TANGO2: variants seen among roughly 807,000 people sequenced by gnomAD.
TANGO2 encodes transport and Golgi organization protein 2 homolog.
TANGO2 carries 26 observed loss-of-function variants against 39.1 expected under a neutral mutation model. That is an observed-to-expected ratio of 0.67 (90% CI 0.49 to 0.92). The LOEUF (loss-of-function observed/expected upper bound fraction) is 0.92. Among genes scored for constraint, TANGO2 ranks in the 40% least tolerant of loss-of-function variants. TANGO2 has a pLI of 0.00. For missense variants in TANGO2, 326 were observed against 360.1 expected, an observed-to-expected ratio of 0.91 and a Z score of 0.77; for synonymous variants, 131 against 144.5, an observed-to-expected ratio of 0.91 and a Z score of 0.67.
intron 1 of TANGO2, among the ~76,000 whole-genome samples, chr22:20,028,052 G>A (rs2041127944): frequency 6.6e-6 from 1 of 152,172 alleles, no homozygotes; most frequent in African/African-American, 2.4e-5. Flanking sequence ...GCCCGCCTCA[G>A]CCTCCCAAAG....
intron 3 of TANGO2, among the ~76,000 whole-genome samples, chr22:20,044,644 G>A (rs1006621694): frequency 6.6e-6 from 1 of 152,130 alleles, no homozygotes; most frequent in Non-Finnish European, 1.5e-5. Context: ...GGGTGGTCCC[G>A]GCACCGTGTG....
At position 20,064,693 on chromosome 22, in the gene TANGO2, T is replaced by TG; in HGVS notation, c.*37dup. 1.9e-6 allele frequency: 3 copies of TG among 1,612,178 alleles called. No homozygotes were observed. The highest frequency in any genetic ancestry group is 1.7e-6 in the Non-Finnish European group (2 of 1,178,994). ...CCTCTGGGCCTGGCCAGTGGGCTCCTGGGGGGCCCTGCCTTGAGGGGCACT... is the reference window on the plus strand; with the variant it reads ...CCTCTGGGCCTGGCCAGTGGGCTCCTGGGGGGGCCCTGCCTTGAGGGGCACT... On this transcript the variant is annotated 3_prime_UTR_variant, in exon 9 of 9. Transcript: ENST00000327374.
At position 20,064,634 on chromosome 22, in the gene TANGO2, GA is replaced by G; in HGVS notation, c.805del (p.Thr269ProfsTer80). The G allele has an allele frequency of 2.5e-6, 4 of 1,614,182 alleles. No individual in the cohort carries two copies. Among genetic ancestry groups the G allele is most frequent in the Non-Finnish European group, 3.4e-6 (4 of 1,180,018 alleles). On this transcript the variant is annotated frameshift_variant, in exon 9 of 9. Coordinates refer to ENST00000327374, the MANE Select transcript of TANGO2 (RefSeq NM_152906.7). LOFTEE classifies it high-confidence loss of function. ...AAGGACCTCTCCCACTGGGAGACCA[GA>G]ACCTATGAGTTCACACTGCAGAGCT... is the stretch of plus-strand genomic sequence containing the variant. Reference protein sequence around the residue: ...MDKDLSHWETRTYEFTLQS With the variant: ...MDKDLSHWETXTYEFTLQS
At chr22:20,028,989 C>T (rs1045201168) in intron 1 of TANGO2, among the ~76,000 whole-genome samples, 4 of 152,250 alleles carry the variant, frequency 2.6e-5, no homozygotes, top group African/African-American at 4.8e-5. Flanking sequence ...GGGTGCCAGA[C>T]CTTGTCCCCA....
intron 4 of TANGO2, 117 bp downstream of exon 4, chr22:20,052,701 C>T (rs1399166723): frequency 7.5e-7 from 1 of 1,334,894 alleles, no homozygotes. Context: ...GTGGGGCGGG[C>T]CAAGGTAGGA....
Position 20,056,010 on chromosome 22 carries a change from C to A in TANGO2, c.448C>A (p.Pro150Thr). The A allele has an allele frequency of 1.2e-6, 2 of 1,613,654 alleles. No homozygotes were observed. The highest frequency in any genetic ancestry group is 1.7e-6 in the Non-Finnish European group (2 of 1,179,526). ...GGAGCCTGATCCTATCGTTTTGACG[C>A]CAGGTGAGCCTGCCCTGGCAGCCTG... ...RGEPDPIVLT[P>T]GTYGLSNALL... Residue 150 changes from proline (P) to threonine (T), a missense_variant, in exon 6 of 9, where the codon CCA becomes ACA. Coordinates refer to ENST00000327374, the MANE Select transcript of TANGO2 (RefSeq NM_152906.7).
At chr22:20,063,631 C>T in intron 8 of TANGO2, 189 bp downstream of exon 8, 2 of 576,116 alleles carry the variant, frequency 3.5e-6, no homozygotes, top group Non-Finnish European at 6.1e-6. Flanking sequence ...CGGGGCCCCA[C>T]AGGCTGGGCT....
rs922331003 is a variant in TANGO2, at chr22:20,056,783, C to T, written c.451+770C>T. ...CCTGGGTGCACAAAACTGTAGGGACCATAGCCTAGGTTCCGGGGACTGCTG... is the reference window on the plus strand; with the variant it reads ...CCTGGGTGCACAAAACTGTAGGGACTATAGCCTAGGTTCCGGGGACTGCTG... On this transcript the variant is annotated intron_variant, in intron 6 of 8. Transcript: ENST00000327374. The T allele has an allele frequency of 8.8e-6, 4 of 456,638 alleles. No individual in the cohort carries two copies. In the Middle Eastern group the frequency reaches 9.8e-4, roughly 111 times the overall value. 28.3% of individuals were successfully genotyped at this position (456,638 alleles called of 1,614,324 possible).
chr22:20,033,037 G>A, intron 1 of TANGO2: 1 of 387,460 alleles, frequency 2.6e-6, no homozygotes, highest in South Asian at 2.1e-5. Flanking sequence ...CCCAGGCAAA[G>A]GCAAGGTCAC....
rs144963744 is a variant in TANGO2, at chr22:20,024,867, G to A, written c.-40+3621G>A. Among the ~76,000 whole-genome samples, 594 of 152,202 alleles carry A rather than the reference G, an allele frequency of 3.9e-3. 3 individuals carry two copies. Among genetic ancestry groups the A allele is most frequent in the African/African-American group, 0.014 (561 of 41,546 alleles). ...CCTCTGGCCCCCAGGGTCTCCAGGT[G>A]TGGTGTTGCTGCGACAGCCCAGCTA... On this transcript the variant is annotated intron_variant, in intron 1 of 8. Transcript: ENST00000327374.
rs174876 is a variant in TANGO2, at chr22:20,055,847, C to T, written c.381-96C>T. Reference sequence around the variant, plus strand: ...GGCCGCAGCGGGCTACTGCGCACATCGCTAGCCTCCAGAAACAGGGCTGTG... The same window carrying T: ...GGCCGCAGCGGGCTACTGCGCACATTGCTAGCCTCCAGAAACAGGGCTGTG... On this transcript the variant is annotated intron_variant, in intron 5 of 8. Coordinates refer to ENST00000327374, the MANE Select transcript of TANGO2 (RefSeq NM_152906.7). 82,257 of 1,140,364 alleles carry T rather than the reference C, an allele frequency of 0.072. 3,479 individuals carry two copies. Among genetic ancestry groups the T allele is most frequent in the Non-Finnish European group, 0.084 (64,220 of 767,784 alleles). The allele number at this position is 1,140,364 out of a possible 1,614,324, so 70.6% of individuals were successfully genotyped here. A position where few individuals can be genotyped will look rare whatever the true frequency, so the allele number is the denominator to read the frequency against.
chr22:20,038,517 G>T (rs1008527550), intron 2 of TANGO2, among the ~76,000 whole-genome samples: 1 of 152,184 alleles, frequency 6.6e-6, no homozygotes, highest in Non-Finnish European at 1.5e-5. Flanking sequence ...AGAGGAGGAG[G>T]GTTGACATGG....
intron 3 of TANGO2, among the ~76,000 whole-genome samples, chr22:20,046,460 A>ATT (rs695718): frequency 1.4e-4 from 14 of 98,552 alleles, no homozygotes; most frequent in Middle Eastern, 5.7e-3. Context: ...AGGCTGGGTA[A>ATT]TTTTTTTTTT....
chr22:20,020,098 A>C (rs1188684994), upstream of TANGO2, among the ~76,000 whole-genome samples: 1 of 152,202 alleles, frequency 6.6e-6, no homozygotes, highest in Admixed American at 6.5e-5. Context: ...GGTTGAAGCT[A>C]ATGTGGCCTC....
chr22:20,055,026 C>G (rs1201492762), intron 5 of TANGO2: 4 of 152,162 alleles, frequency 2.6e-5, no homozygotes, highest in Non-Finnish European at 4.4e-5. Flanking sequence ...TGAAGCCTAC[C>G]AGGGGTGGGG....
intron 1 of TANGO2, among the ~76,000 whole-genome samples, chr22:20,026,050 G>A (rs2040676007): frequency 6.6e-6 from 1 of 152,236 alleles, no homozygotes; most frequent in African/African-American, 2.4e-5. Flanking sequence ...CGTTTGGGAA[G>A]CATGGGTGGT....
chr22:20,053,977 G>A (rs145835619), intron 5 of TANGO2: 125 of 342,512 alleles, frequency 3.6e-4, no homozygotes, highest in African/African-American at 2.5e-3. Flanking sequence ...TTGCCCTTCC[G>A]TGAAGTGAGC....
At chr22:20,056,217 G>T in intron 6 of TANGO2, 1 of 697,206 alleles carries the variant, frequency 1.4e-6, no homozygotes. Context: ...CCCTCCCCAT[G>T]GGCTTTTCCT....
chr22:20,046,356 CA>C (rs1016231886), intron 3 of TANGO2, among the ~76,000 whole-genome samples: 7 of 151,958 alleles, frequency 4.6e-5, no homozygotes, highest in African/African-American at 1.7e-4. Flanking sequence ...CTGTGTTGCA[CA>C]AGCTGGTTTC....
Sources: allele counts gnomAD v4.1 joint callset (sites outside exome capture counted in the v4.1 genomes callset), GRCh38; gene constraint gnomAD v4.1.1; transcripts MANE v1.5; gene names NCBI Gene and HGNC (gene_info 2026-07-23, HGNC 2026-07-21).